RANBP17: variants seen among roughly 807,000 people sequenced by gnomAD.
RANBP17 encodes ran-binding protein 17.
A neutral mutation model predicts 141.2 loss-of-function variants in RANBP17; 158 were observed. That is an observed-to-expected ratio of 1.12 (90% CI 0.98 to 1.28). The LOEUF is 1.28. Among genes scored for constraint, RANBP17 ranks in the 50% most tolerant of loss-of-function variants. The probability of loss-of-function intolerance (pLI) is 0.00; values close to 1 mark genes in which losing one functional copy is unlikely to be tolerated. For missense variants in RANBP17, 1,438 were observed against 1,290.7 expected (o/e 1.11, Z -1.75); for synonymous variants, 430 against 450.0 (o/e 0.96, Z 0.56).
chr5:171,213,705 T>A lies in RANBP17; in HGVS notation c.2306T>A (p.Ile769Asn). The change falls in exon 21 of 28, where the codon ATC becomes AAC. Residue 769 changes from isoleucine to asparagine, a missense_variant. By Grantham distance (149) the Ile-to-Asn change is moderately radical (BLOSUM62 -3). Coordinates refer to ENST00000523189, the MANE Select transcript of RANBP17 (RefSeq NM_022897.5). ...GGAGAGCCAACATGTACAACTCCCA[T>A]CTTGAAACTTATGGCAGAACTTATG... ...WYGEPTCTTPILKLMAELMQN... is the reference protein window; with the variant it reads ...WYGEPTCTTPNLKLMAELMQN... 1 of 1,613,678 alleles carries A rather than the reference T, an allele frequency of 6.2e-7. No individual in the cohort carries two copies. Among genetic ancestry groups the A allele is most frequent in the African/African-American group, 1.3e-5 (1 of 75,032 alleles).
intron 14 of RANBP17, among the ~76,000 whole-genome samples, chr5:171,097,717 A>G (rs1301777238): frequency 6.6e-6 from 1 of 151,330 alleles, no homozygotes; most frequent in Non-Finnish European, 1.5e-5. Context: ...TACATGTGCC[A>G]TGGTGGTTTG....
At chr5:171,092,979 G>A (rs1183842843) in intron 14 of RANBP17, among the ~76,000 whole-genome samples, 4 of 152,168 alleles carry the variant, frequency 2.6e-5, no homozygotes, top group African/African-American at 9.7e-5. Context: ...CTGTGAATTT[G>A]TGGGAAGACA....
Position 171,171,186 on chromosome 5 carries a change from A to C in RANBP17, c.1785-20A>C. ...AAGCAAATATCTTACTTATAATTAA[A>C]GACTTTTTTTCATATTTAGTGTTAC... is the stretch of plus-strand genomic sequence containing the variant. On this transcript the variant is annotated intron_variant, in intron 15 of 27. Coordinates refer to ENST00000523189, the MANE Select transcript of RANBP17 (RefSeq NM_022897.5). The C allele has an allele frequency of 7.3e-7, 1 of 1,364,238 alleles. No individual in the cohort carries two copies. Among genetic ancestry groups the C allele is most frequent in the Non-Finnish European group, 1.0e-6 (1 of 969,466 alleles). 84.5% of individuals were successfully genotyped at this position (1,364,238 alleles called of 1,614,324 possible).
At chr5:171,114,416 G>C (rs939893665) in intron 14 of RANBP17, among the ~76,000 whole-genome samples, 1 of 151,992 alleles carries the variant, frequency 6.6e-6, no homozygotes, top group Admixed American at 6.6e-5. Flanking sequence ...GGAGCTTACA[G>C]TACATACCAG....
intron 14 of RANBP17, among the ~76,000 whole-genome samples, chr5:171,018,723 TTCTTC>T (rs1780627314): frequency 6.6e-6 from 1 of 152,066 alleles, no homozygotes; most frequent in African/African-American, 2.4e-5. Flanking sequence ...TTGACTTCCT[TTCTTC>T]CTATTTGAAT....
intron 1 of RANBP17, among the ~76,000 whole-genome samples, chr5:170,873,991 A>T (rs1007147174): frequency 6.6e-6 from 1 of 152,084 alleles, no homozygotes; most frequent in African/African-American, 2.4e-5. Flanking sequence ...AGTGCTATAA[A>T]TTTCCCTCTT....
intron 14 of RANBP17, among the ~76,000 whole-genome samples, chr5:171,012,340 T>C (rs902554002): frequency 1.3e-5 from 2 of 152,138 alleles, no homozygotes; most frequent in Non-Finnish European, 1.5e-5. Flanking sequence ...TAGCTGGTCT[T>C]ACATGAAGGA....
intron 14 of RANBP17, among the ~76,000 whole-genome samples, chr5:171,080,484 T>C (rs1187424122): frequency 6.6e-6 from 1 of 152,216 alleles, no homozygotes; most frequent in Non-Finnish European, 1.5e-5. Flanking sequence ...TGATTTGATA[T>C]GAATTTTTAA....
intron 22 of RANBP17, among the ~76,000 whole-genome samples, chr5:171,223,750 A>G (rs1763714690): frequency 6.6e-6 from 1 of 152,240 alleles, no homozygotes; most frequent in Non-Finnish European, 1.5e-5. Context: ...TTTTGTATAT[A>G]TCTAATTCCA....
chr5:170,877,366 A>T (rs761973910), intron 1 of RANBP17, among the ~76,000 whole-genome samples: 1 of 152,112 alleles, frequency 6.6e-6, no homozygotes, highest in Non-Finnish European at 1.5e-5. Flanking sequence ...CCAGGGCTCA[A>T]GCGATTCTCC....
chr5:170,984,769 A>G (rs1203113323), intron 14 of RANBP17, among the ~76,000 whole-genome samples: 1 of 152,166 alleles, frequency 6.6e-6, no homozygotes, highest in Non-Finnish European at 1.5e-5. Flanking sequence ...TTTCCTGTTT[A>G]TTTTTGTATC....
intron 14 of RANBP17, among the ~76,000 whole-genome samples, chr5:171,052,786 AT>A (rs1362365616): frequency 6.6e-6 from 1 of 152,168 alleles, no homozygotes; most frequent in East Asian, 1.9e-4. Context: ...ATTGTGTTTA[AT>A]CTGTAGATTA....
intron 23 of RANBP17, among the ~76,000 whole-genome samples, chr5:171,242,122 C>T (rs1169089140): frequency 4.6e-5 from 7 of 152,074 alleles, no homozygotes; most frequent in African/African-American, 1.4e-4. Context: ...CCATGCCCAG[C>T]TTCTCTAATT....
intron 25 of RANBP17, among the ~76,000 whole-genome samples, chr5:171,266,383 A>G (rs561339815): frequency 2.8e-4 from 43 of 152,250 alleles, no homozygotes; most frequent in South Asian, 8.3e-4. Context: ...AAGTAATAAA[A>G]CCACTATTTG....
chr5:171,103,299 C>T (rs923907833), intron 14 of RANBP17, among the ~76,000 whole-genome samples: 1 of 152,156 alleles, frequency 6.6e-6, no homozygotes, highest in Non-Finnish European at 1.5e-5. Context: ...ATGCCCTGCC[C>T]AGAGAGGAGG....
chr5:170,911,048 G>T lies in RANBP17; in HGVS notation c.674G>T (p.Cys225Phe). 3 of 1,612,138 alleles carry T rather than the reference G, an allele frequency of 1.9e-6. No homozygotes were observed. The highest frequency in any genetic ancestry group is 2.5e-6 in the Non-Finnish European group (3 of 1,178,718). The change falls in exon 7 of 28, where the codon TGC (cysteine) becomes TTC (phenylalanine). Residue 225 changes from cysteine (C) to phenylalanine (F), a missense_variant. Transcript: ENST00000523189. ...CAGGTCTTGAAACTGGTCCTTAACT[G>T]CCTTAACTTTGACTTCATTGGCAGT... is the stretch of plus-strand genomic sequence containing the variant. The part of the protein sequence containing the change: ...VMQVLKLVLN[C>F]LNFDFIGSSA...
chr5:171,002,154 T>C (rs2127578352), intron 14 of RANBP17, among the ~76,000 whole-genome samples: 1 of 152,268 alleles, frequency 6.6e-6, no homozygotes, highest in East Asian at 1.9e-4. Flanking sequence ...GCTTGTAACC[T>C]ACATGGAAGA....
chr5:171,098,507 G>T (rs183632949), intron 14 of RANBP17, among the ~76,000 whole-genome samples: 1 of 152,170 alleles, frequency 6.6e-6, no homozygotes, highest in Non-Finnish European at 1.5e-5. Context: ...TTGTAAATTT[G>T]TTTAAGTTCT....
At chr5:171,250,152 T>C (rs149177021) in intron 24 of RANBP17, among the ~76,000 whole-genome samples, 1,601 of 152,256 alleles carry the variant, frequency 0.011, 27 homozygotes, top group African/African-American at 0.036. Flanking sequence ...CTACATCCAG[T>C]AAAATTAACC....
Sources: allele counts gnomAD v4.1 joint callset (sites outside exome capture counted in the v4.1 genomes callset), GRCh38; gene constraint gnomAD v4.1.1; transcripts MANE v1.5; gene names NCBI Gene and HGNC (gene_info 2026-07-23, HGNC 2026-07-21).